Variants in ARHGAP29 observed in about 807,000 individuals in gnomAD.
ARHGAP29 encodes the protein Rho GTPase activating protein 29.
Under a neutral mutation model 122.6 loss-of-function variants are expected in ARHGAP29, and 43 were observed. That is an observed-to-expected ratio of 0.35 (90% confidence interval 0.27 to 0.45). ARHGAP29 has a LOEUF of 0.45. Ranked by LOEUF, ARHGAP29 falls within the 20% of genes least tolerant of loss-of-function variation. The probability of loss-of-function intolerance (pLI) is 1.00; values close to 1 mark genes in which losing one functional copy is unlikely to be tolerated. For synonymous variants in ARHGAP29, 506 were observed against 497.1 expected, an observed-to-expected ratio of 1.02 and a Z score of -0.24; for missense variants, 1,303 against 1,477.2, an observed-to-expected ratio of 0.88 and a Z score of 1.93.
intron 1 of ARHGAP29, among the ~76,000 whole-genome samples, chr1:94,235,481 G>A (rs1480492720): frequency 6.6e-6 from 1 of 152,168 alleles, no homozygotes; most frequent in Non-Finnish European, 1.5e-5. Context: ...ATTACTAGCA[G>A]TGCTTTATTG....
intron 1 of ARHGAP29, among the ~76,000 whole-genome samples, chr1:94,248,797 G>A (rs1165384877): frequency 6.6e-6 from 1 of 152,188 alleles, no homozygotes; most frequent in East Asian, 1.9e-4. Context: ...TGAACTCCTG[G>A]ACTAAAGGAA....
At chr1:94,174,794 TAA>T in intron 22 of ARHGAP29, 45 bp from the exon 23 acceptor site, 1 of 1,575,412 alleles carries the variant, frequency 6.3e-7, no homozygotes. Context: ...ACATGGTTAA[TAA>T]GAGAGTTTGA....
intron 11 of ARHGAP29, 112 bp from the exon 12 acceptor site, chr1:94,201,969 CA>C (rs1337280178): frequency 3.9e-6 from 4 of 1,031,014 alleles, no homozygotes; most frequent in Non-Finnish European, 5.5e-6. Flanking sequence ...CTTCTGTTTT[CA>C]AAATAATACT....
rs143559456 is a variant in ARHGAP29 at position 94,191,456 on chromosome 1, A to ATAG, written c.1282-1376_1282-1374dup. ...CCTAAGGATACTTGACTCTGCATAA[A>ATAG]TAGTATTTGAAAAGTACAGATAACA... On this transcript the variant is annotated intron_variant, in intron 12 of 22. Coordinates refer to ENST00000260526, the MANE Select transcript of ARHGAP29 (RefSeq NM_004815.4). 4.3e-3 allele frequency: 660 copies of ATAG among 152,286 alleles called. 1 individual carries two copies. Among genetic ancestry groups the ATAG allele is most frequent in the African/African-American group, 0.015 (626 of 41,560 alleles). 9.4% of individuals were successfully genotyped at this position (152,286 alleles called of 1,614,324 possible). A position where few individuals can be genotyped will look rare whatever the true frequency, so the allele number is the denominator to read the frequency against.
Position 94,237,507 on chromosome 1 carries a change from C to T in ARHGAP29, c.-125G>A, listed in dbSNP as rs1253301716. 2.0e-6 allele frequency: 2 copies of T among 989,430 alleles called. No individual in the cohort carries two copies. The highest frequency in any genetic ancestry group is 2.4e-6 in the Non-Finnish European group (2 of 832,644). The allele number at this position is 989,430 out of a possible 1,614,324, so 61.3% of individuals were successfully genotyped here. A position where few individuals can be genotyped will look rare whatever the true frequency, so the allele number is the denominator to read the frequency against. On this transcript the variant is annotated 5_prime_UTR_variant, in exon 1 of 23. Transcript: ENST00000260526. ...AGGGCTGGAGCTCGCTGCCCCCATC[C>T]CCCACGGCCTGCGGACGCCCGGCCA...
intron 3 of ARHGAP29, among the ~76,000 whole-genome samples, chr1:94,212,211 T>C (rs533971898): frequency 6.6e-6 from 1 of 152,032 alleles, no homozygotes; most frequent in African/African-American, 2.4e-5. Context: ...TGGGCTGAGA[T>C]CTCACCACTG....
At chr1:94,277,776 G>A (rs1436658809), upstream of ARHGAP29, among the ~76,000 whole-genome samples, 1 of 152,194 alleles carries the variant, frequency 6.6e-6, no homozygotes, top group African/African-American at 2.4e-5. Flanking sequence ...ACAGTGATGG[G>A]AGGAAGAAAG....
intron 3 of ARHGAP29, among the ~76,000 whole-genome samples, chr1:94,217,610 G>A (rs1249357949): frequency 1.3e-5 from 2 of 152,060 alleles, no homozygotes; most frequent in African/African-American, 4.8e-5. Context: ...GGCCAAGGTG[G>A]GAGGATTGCT....
At chr1:94,255,864 A>G (rs898153319) in intron 1 of ARHGAP29, among the ~76,000 whole-genome samples, 1 of 152,142 alleles carries the variant, frequency 6.6e-6, no homozygotes, top group Non-Finnish European at 1.5e-5. Flanking sequence ...CTGCCATTGC[A>G]ATTGGTATTG....
intron 1 of ARHGAP29, among the ~76,000 whole-genome samples, chr1:94,244,223 CA>C (rs929991247): frequency 6.5e-5 from 9 of 138,138 alleles, no homozygotes; most frequent in African/African-American, 2.0e-4. Context: ...AAACCACACA[CA>C]AAAAAAACAA....
At chr1:94,228,480 C>A (rs536715812) in intron 2 of ARHGAP29, among the ~76,000 whole-genome samples, 1 of 151,838 alleles carries the variant, frequency 6.6e-6, no homozygotes, top group East Asian at 1.9e-4. Flanking sequence ...TAGAACTAGG[C>A]CTAGAACCTA....
rs17111226 is a variant in ARHGAP29, at chr1:94,216,392, C to T, written c.340+3866G>A. On this transcript the variant is annotated intron_variant, in intron 3 of 22. Coordinates refer to ENST00000260526, the MANE Select transcript of ARHGAP29 (RefSeq NM_004815.4). The stretch of plus-strand genomic sequence containing the variant: ...AAGGAGCAGAACGCTACCATCTGTG[C>T]AAAAAGGAGGTTAAAAAAGAGAACA... Among the ~76,000 whole-genome samples the T allele has an allele frequency of 2.1e-3, 318 of 152,032 alleles. 9 individuals carry two copies. In the East Asian group the frequency reaches 0.054, roughly 26 times the overall value.
chr1:94,169,982 G>A lies in ARHGAP29; in HGVS notation c.*3887C>T, dbSNP rs1445653509. Among the ~76,000 whole-genome samples the A allele has an allele frequency of 4.6e-5, 7 of 152,294 alleles. No individual in the cohort carries two copies. In the East Asian group the frequency reaches 1.2e-3, roughly 25 times the overall value. On this transcript the variant is annotated 3_prime_UTR_variant, in exon 23 of 23. Coordinates refer to ENST00000260526, the MANE Select transcript of ARHGAP29 (RefSeq NM_004815.4). ...TTTAAGTGAATGAAGGAATAGAGAA[G>A]GAAGAGCTCTTCCTTACAGTAGTAG...
chr1:94,203,069 A>T (rs1557858105), intron 9 of ARHGAP29, 31 bp downstream of exon 9: 1 of 1,595,614 alleles, frequency 6.3e-7, no homozygotes, highest in Non-Finnish European at 8.5e-7. Context: ...TTAAAAATAA[A>T]AGTGCATTAT....
chr1:94,269,785 C>A (rs1243109330), intron 1 of ARHGAP29, among the ~76,000 whole-genome samples: 1 of 152,088 alleles, frequency 6.6e-6, no homozygotes, highest in Non-Finnish European at 1.5e-5. Flanking sequence ...TCTTAAAGAG[C>A]TTGTATTCTA....
intron 21 of ARHGAP29, 31 bp from the exon 22 acceptor site, chr1:94,177,751 A>G (rs747604707): frequency 4.4e-6 from 7 of 1,589,860 alleles, no homozygotes; most frequent in Non-Finnish European, 6.0e-6. Context: ...TTAAAATGGA[A>G]GAAGTAAAAC....
the ARHGAP29 span, among the ~76,000 whole-genome samples, chr1:94,306,345 AG>A: frequency 3.3e-5 from 5 of 152,222 alleles, no homozygotes; most frequent in Non-Finnish European, 5.9e-5. Flanking sequence ...AAAATGTAAA[AG>A]GGCTGCTTTA....
At chr1:94,212,809 T>C (rs1651724451) in intron 3 of ARHGAP29, among the ~76,000 whole-genome samples, 1 of 152,170 alleles carries the variant, frequency 6.6e-6, no homozygotes, top group African/African-American at 2.4e-5. Flanking sequence ...ATTCTCTTTT[T>C]TGTCCTGCTC....
In ARHGAP29 at chr1:94,170,758, A is replaced by G. The variant is rs1470258301; in HGVS notation, c.*3111T>C. Among the ~76,000 whole-genome samples the G allele has an allele frequency of 6.6e-6, 1 of 152,240 alleles. No individual in the cohort carries two copies. The highest frequency in any genetic ancestry group is 1.5e-5 in the Non-Finnish European group (1 of 68,036). On this transcript the variant is annotated 3_prime_UTR_variant, in exon 23 of 23. Transcript: ENST00000260526. Reference sequence around the variant, plus strand: ...ATTCGTGTACATTATGGAGTACTACATTTATTTAAGATCTCCTTAAATGCT... The same window carrying G: ...ATTCGTGTACATTATGGAGTACTACGTTTATTTAAGATCTCCTTAAATGCT...
Sources: gnomAD v4.1 joint callset for allele counts (sites outside exome capture counted in the v4.1 genomes callset) on GRCh38, gnomAD v4.1.1 for gene constraint, MANE v1.5 for transcripts, NCBI Gene and HGNC (gene_info 2026-07-23, HGNC 2026-07-21) for gene names.